CCDC61: variants seen among roughly 807,000 people sequenced by gnomAD.
The protein encoded by CCDC61 is centrosomal protein CCDC61.
A neutral mutation model predicts 63.0 loss-of-function variants in CCDC61; 55 were observed. The observed-to-expected ratio is 0.87, with a 90% CI of 0.70 to 1.09. CCDC61 has a LOEUF of 1.09. Among genes scored for constraint, CCDC61 ranks in the 50% least tolerant of loss-of-function variants. The pLI is 0.00. For synonymous variants in CCDC61, 270 were observed against 317.0 expected (o/e 0.85, Z 1.58); for missense variants, 651 against 731.4 (o/e 0.89, Z 1.27).
chr19:46,016,852 G>T lies in CCDC61; in HGVS notation c.1231+19G>T. 6.6e-7 allele frequency: 1 copy of T among 1,509,056 alleles called. No individual in the cohort carries two copies. Among genetic ancestry groups the T allele is most frequent in the Non-Finnish European group, 8.9e-7 (1 of 1,127,298 alleles). 93.5% of individuals were successfully genotyped at this position (1,509,056 alleles called of 1,614,324 possible). On this transcript the variant is annotated intron_variant, in intron 10 of 13. Transcript: ENST00000595358. The surrounding 1 kb of genome is among the most constrained non-coding windows in gnomAD (Gnocchi z 7.2). Reference sequence around the variant, plus strand: ...TCCTCAGGTAACTGGCCTGGAGCTGGGGGCTGCCGGGCTAGGCGGGACTGG... The same window carrying T: ...TCCTCAGGTAACTGGCCTGGAGCTGTGGGCTGCCGGGCTAGGCGGGACTGG...
rs1211331713 is a variant in CCDC61 at position 46,016,226 on chromosome 19, C to A, written c.1015+3C>A. 1 of 1,550,672 alleles carries A rather than the reference C, an allele frequency of 6.4e-7. No homozygotes were observed. The highest frequency in any genetic ancestry group is 2.4e-5 in the East Asian group (1 of 42,320). On this transcript the variant is annotated splice_donor_region_variant and intron_variant, in intron 8 of 13. Coordinates refer to ENST00000595358, the MANE Select transcript of CCDC61 (RefSeq NM_001267723.2). The surrounding 1 kb of genome is among the most constrained non-coding windows in gnomAD (Gnocchi z 7.2). The stretch of plus-strand genomic sequence containing the variant: ...GCGCCCCTCGCCCTCGCCCACAGGT[C>A]TGTGCCCCTGCCCTGCGGTAGGGAG...
chr19:46,010,797 A>G (rs1317173500), intron 5 of CCDC61, among the ~76,000 whole-genome samples: 1 of 152,178 alleles, frequency 6.6e-6, no homozygotes, highest in African/African-American at 2.4e-5. Flanking sequence ...CCTGCCCTGT[A>G]GCAAATCCCA....
intron 1 of CCDC61, among the ~76,000 whole-genome samples, chr19:46,002,158 G>A (rs756187598): frequency 5.9e-5 from 9 of 151,856 alleles, no homozygotes; most frequent in South Asian, 2.1e-4. Flanking sequence ...TGTTGGCCAG[G>A]CTGGTCTGGA....
In CCDC61 at chr19:46,006,752, T is replaced by C. The variant is rs1389913860; in HGVS notation, c.389+36T>C. The C allele has an allele frequency of 1.9e-6, 3 of 1,561,424 alleles. No homozygotes were observed. The South Asian group carries it at 3.5e-5, about 18-fold the overall frequency. ...GGGTCTGGCTCCAGGGCCAGGCTGG[T>C]GGGCGGGGTGGGAGAGGATGTGGGT... is the stretch of plus-strand genomic sequence containing the variant. On this transcript the variant is annotated intron_variant, in intron 4 of 13. Coordinates refer to ENST00000595358, the MANE Select transcript of CCDC61 (RefSeq NM_001267723.2).
chr19:46,004,801 C>G (rs964026428), intron 3 of CCDC61, among the ~76,000 whole-genome samples: 1 of 143,628 alleles, frequency 7.0e-6, no homozygotes, highest in African/African-American at 2.6e-5. Context: ...CAGGTTAGAA[C>G]TTAGAGTGAC....
intron 1 of CCDC61, chr19:45,996,279 A>G (rs8111976): frequency 0.86 from 131,268 of 152,304 alleles, 56,743 homozygotes; most frequent in African/African-American, 0.91. Flanking sequence ...GACTCATATC[A>G]TGGCCGACTC....
rs1223219847 is a variant in CCDC61, at chr19:46,014,508, T to G, written c.552-541T>G. 2.6e-5 allele frequency among the ~76,000 whole-genome samples: 4 copies of G among 152,220 alleles called. No homozygotes were observed. In the East Asian group the frequency reaches 7.7e-4, roughly 29 times the overall value. On this transcript the variant is annotated intron_variant, in intron 5 of 13. Transcript: ENST00000595358. Reference sequence around the variant, plus strand: ...GTAGATGTATTAGAAATTCAATTAGTTCTCTTTTAACATACATTTTGGTTA... The same window carrying G: ...GTAGATGTATTAGAAATTCAATTAGGTCTCTTTTAACATACATTTTGGTTA...
intron 1 of CCDC61, among the ~76,000 whole-genome samples, chr19:46,000,965 C>T (rs1221242071): frequency 1.3e-5 from 2 of 151,836 alleles, no homozygotes; most frequent in Non-Finnish European, 2.9e-5. Context: ...GTGCGGTCTC[C>T]TCCCGGGAGT....
chr19:46,016,892 G>C lies in CCDC61; in HGVS notation c.1231+59G>C. ...GGCGGGACTGGGCGGGGCTGGGCGGGCTGGGAGGCACTGGGCAGGGCGGGC... is the reference window on the plus strand; with the variant it reads ...GGCGGGACTGGGCGGGGCTGGGCGGCCTGGGAGGCACTGGGCAGGGCGGGC... On this transcript the variant is annotated intron_variant, in intron 10 of 13. Transcript: ENST00000595358. The surrounding 1 kb of genome is among the most constrained non-coding windows in gnomAD (Gnocchi z 7.2). 1 of 1,469,126 alleles carries C rather than the reference G, an allele frequency of 6.8e-7. No homozygotes were observed. Among genetic ancestry groups the C allele is most frequent in the South Asian group, 1.3e-5 (1 of 78,322 alleles). The allele number at this position is 1,469,126 out of a possible 1,614,324, so 91.0% of individuals were successfully genotyped here. A position where few individuals can be genotyped will look rare whatever the true frequency, so the allele number is the denominator to read the frequency against.
Position 46,004,778 on chromosome 19 carries a change from C to G in CCDC61, c.231+1277C>G, listed in dbSNP as rs570245050. Among the ~76,000 whole-genome samples the G allele has an allele frequency of 2.1e-3, 314 of 149,720 alleles. 1 individual carries two copies. Among genetic ancestry groups the G allele is most frequent in the African/African-American group, 7.4e-3 (301 of 40,662 alleles). The stretch of plus-strand genomic sequence containing the variant: ...CCGTGCCCAGCCTAAAAGTAATAAT[C>G]AGGGGGAAGAAGCAGGTTAGAACTT... On this transcript the variant is annotated intron_variant, in intron 3 of 13. Coordinates refer to ENST00000595358, the MANE Select transcript of CCDC61 (RefSeq NM_001267723.2).
At chr19:46,012,279 A>G (rs765602234) in intron 5 of CCDC61, among the ~76,000 whole-genome samples, 1 of 152,200 alleles carries the variant, frequency 6.6e-6, no homozygotes, top group Non-Finnish European at 1.5e-5. Flanking sequence ...AATATACTCC[A>G]AAGAGTATAA....
intron 4 of CCDC61, among the ~76,000 whole-genome samples, chr19:46,007,053 C>CT (rs35425844): frequency 4.6e-4 from 64 of 139,130 alleles, no homozygotes; most frequent in Middle Eastern, 3.6e-3. Context: ...AATGTGTTGG[C>CT]TTTTTTTTTT....
chr19:46,017,980 T>C (rs946069071), intron 12 of CCDC61, 98 bp from the exon 13 acceptor site: 17 of 1,092,638 alleles, frequency 1.6e-5, no homozygotes, highest in Non-Finnish European at 2.2e-5. Context: ...GCCTTATTTT[T>C]CCCCAAGGTC....
At chr19:46,014,164 T>A (rs1968880794) in intron 5 of CCDC61, among the ~76,000 whole-genome samples, 1 of 152,118 alleles carries the variant, frequency 6.6e-6, no homozygotes. Context: ...CTGGTTTTCT[T>A]ATTTTTTTGA....
Position 46,015,038 on chromosome 19 carries a change from G to C in CCDC61, c.552-11G>C. On this transcript the variant is annotated splice_polypyrimidine_tract_variant and intron_variant, in intron 5 of 13. Coordinates refer to ENST00000595358, the MANE Select transcript of CCDC61 (RefSeq NM_001267723.2). The surrounding 1 kb of genome is among the most constrained non-coding windows in gnomAD (Gnocchi z 5.3). ...CCTCTCTCTCCAGCGCTCTCTCCGCGTCTTCCCCAGGGTGTCGCGCCTGGC... is the reference window on the plus strand; with the variant it reads ...CCTCTCTCTCCAGCGCTCTCTCCGCCTCTTCCCCAGGGTGTCGCGCCTGGC... 6.7e-7 allele frequency: 1 copy of C among 1,489,080 alleles called. No individual in the cohort carries two copies. The highest frequency in any genetic ancestry group is 8.9e-7 in the Non-Finnish European group (1 of 1,123,696). The allele number at this position is 1,489,080 out of a possible 1,614,324, so 92.2% of individuals were successfully genotyped here. A position where few individuals can be genotyped will look rare whatever the true frequency, so the allele number is the denominator to read the frequency against.
At position 46,008,317 on chromosome 19, in the gene CCDC61, G is replaced by A. The variant is rs1968755302; in HGVS notation, c.551+16G>A. ...TGCGGGAGCAGTGAGTCTTGGAGGG[G>A]TGGGCAGCTGGGGCGGGTGGGGGCC... On this transcript the variant is annotated intron_variant, in intron 5 of 13. Transcript: ENST00000595358. 2 of 1,265,628 alleles carry A rather than the reference G, an allele frequency of 1.6e-6. No homozygotes were observed. Among genetic ancestry groups the A allele is most frequent in the Admixed American group, 1.8e-5 (1 of 54,740 alleles). 78.4% of individuals were successfully genotyped at this position (1,265,628 alleles called of 1,614,324 possible).
intron 5 of CCDC61, among the ~76,000 whole-genome samples, chr19:46,009,521 A>G (rs1193576633): frequency 6.6e-6 from 1 of 152,184 alleles, no homozygotes; most frequent in Non-Finnish European, 1.5e-5. Context: ...CAGAGAAGTT[A>G]GGGAACTTGG....
In CCDC61 at chr19:46,018,232, G is replaced by A; in HGVS notation, c.1442-58G>A. On this transcript the variant is annotated intron_variant, in intron 13 of 13. Coordinates refer to ENST00000595358, the MANE Select transcript of CCDC61 (RefSeq NM_001267723.2). This position sits in a 1 kb window ranked among gnomAD's most constrained non-coding sequence, Gnocchi z 4.2. The stretch of plus-strand genomic sequence containing the variant: ...TGCGGGCAGTGGTATATTGGGCCCA[G>A]GAACTCCCTGGGGCTTCAGGCCCCT... 1.3e-6 allele frequency: 2 copies of A among 1,547,116 alleles called. No individual in the cohort carries two copies. Among genetic ancestry groups the A allele is most frequent in the Non-Finnish European group, 8.8e-7 (1 of 1,141,788 alleles).
intron 1 of CCDC61, among the ~76,000 whole-genome samples, chr19:45,997,731 G>C (rs1267775576): frequency 6.6e-6 from 1 of 151,088 alleles, no homozygotes; most frequent in African/African-American, 2.4e-5. Flanking sequence ...CTGTCACCCA[G>C]GCTGGAGTGC....
Sources: allele counts gnomAD v4.1 joint callset (sites outside exome capture counted in the v4.1 genomes callset), GRCh38; gene constraint gnomAD v4.1.1; non-coding constraint Gnocchi (gnomAD v3.1); transcripts MANE v1.5; gene names NCBI Gene and HGNC (gene_info 2026-07-23, HGNC 2026-07-21).